PRDM10: variants seen among roughly 807,000 people sequenced by gnomAD.
PRDM10 encodes PR/SET domain 10.
Under a neutral mutation model 133.1 loss-of-function variants are expected in PRDM10, and 65 were observed. That is an observed-to-expected ratio of 0.49 (90% CI 0.40 to 0.60). The LOEUF is 0.60. Ranked by LOEUF, PRDM10 falls within the 20% of genes least tolerant of loss-of-function variation. The pLI, the probability that PRDM10 is intolerant of heterozygous loss-of-function variation, is 0.00. For synonymous variants in PRDM10, 582 were observed against 580.4 expected (o/e 1.00, Z -0.04); for missense variants, 1,137 against 1,507.1 (o/e 0.75, Z 4.07).
chr11:129,918,656 T>C lies in PRDM10; in HGVS notation c.2097A>G (p.Lys699=). ...TCTTGGAGCGGCTGATGCGGTCGGC[T>C]TTCTTGGCCTCCCTCTCAGGATTAT... ...RMHNPEREAK[K]ADRISRSKTF... The change falls in exon 14 of 21, where the codon AAA becomes AAG. Residue 699 remains lysine, a synonymous_variant. Coordinates refer to ENST00000360871, the MANE Select transcript of PRDM10 (RefSeq NM_199437.2). The surrounding 1 kb of genome is among the most constrained non-coding windows in gnomAD (Gnocchi z 5.3). 2 of 1,614,184 alleles carry C rather than the reference T, an allele frequency of 1.2e-6. No homozygotes were observed. Among genetic ancestry groups the C allele is most frequent in the Non-Finnish European group, 1.7e-6 (2 of 1,180,010 alleles).
chr11:129,934,046 G>T (rs538429584), intron 9 of PRDM10, among the ~76,000 whole-genome samples: 81 of 152,150 alleles, frequency 5.3e-4, no homozygotes, highest in Non-Finnish European at 9.9e-4. Context: ...CACAGCATAC[G>T]CTCCAAGGTC....
At chr11:129,984,879 C>T (rs1207037286) in intron 1 of PRDM10, among the ~76,000 whole-genome samples, 1 of 152,222 alleles carries the variant, frequency 6.6e-6, no homozygotes, top group Non-Finnish European at 1.5e-5. Flanking sequence ...CCACTGTCCA[C>T]CACCTACCTC....
At chr11:129,915,128 A>AG in intron 16 of PRDM10, 110 bp from the exon 17 acceptor site, 1 of 1,128,134 alleles carries the variant, frequency 8.9e-7, no homozygotes, top group East Asian at 2.5e-5. Flanking sequence ...TCTTAAAAAA[A>AG]GAAAAATCAG....
intron 4 of PRDM10, among the ~76,000 whole-genome samples, chr11:129,950,988 C>T (rs1212825873): frequency 6.6e-6 from 1 of 152,190 alleles, no homozygotes; most frequent in Non-Finnish European, 1.5e-5. Context: ...TGCTTAAACA[C>T]TCCAGCAGCA....
At chr11:129,942,653 AAAAAC>A (rs750952245) in intron 6 of PRDM10, 24 bp from the exon 7 acceptor site, 3 of 1,577,264 alleles carry the variant, frequency 1.9e-6, no homozygotes, top group East Asian at 2.2e-5. Flanking sequence ...AAGCCACACC[AAAAAC>A]AAAACAAAAC....
intron 1 of PRDM10, among the ~76,000 whole-genome samples, chr11:129,961,367 C>T (rs1951791889): frequency 6.6e-6 from 1 of 151,994 alleles, no homozygotes. Context: ...TGCAGTGGCA[C>T]AATCTAGGCT....
At chr11:129,972,292 G>A (rs1800821233) in intron 1 of PRDM10, among the ~76,000 whole-genome samples, 1 of 152,268 alleles carries the variant, frequency 6.6e-6, no homozygotes, top group Non-Finnish European at 1.5e-5. Context: ...GGGCTGAAGG[G>A]CTCCTCAAGT....
At chr11:129,912,731 G>T (rs143083250) in intron 17 of PRDM10, among the ~76,000 whole-genome samples, 1 of 144,050 alleles carries the variant, frequency 6.9e-6, no homozygotes, top group East Asian at 2.1e-4. Context: ...CAGCCTGGGC[G>T]ACAGAGCGAG....
intron 19 of PRDM10, among the ~76,000 whole-genome samples, chr11:129,908,049 A>G (rs1191533383): frequency 6.6e-6 from 1 of 152,194 alleles, no homozygotes; most frequent in African/African-American, 2.4e-5. Flanking sequence ...GCAGTGAGCT[A>G]TGATCACACC....
At chr11:129,926,082 G>A (rs1439216440) in intron 11 of PRDM10, among the ~76,000 whole-genome samples, 1 of 152,184 alleles carries the variant, frequency 6.6e-6, no homozygotes, top group Non-Finnish European at 1.5e-5. Context: ...TGCTAACAAC[G>A]TTAAGCTCAT....
chr11:129,969,866 G>A (rs1353570208), intron 1 of PRDM10, among the ~76,000 whole-genome samples: 2 of 152,142 alleles, frequency 1.3e-5, no homozygotes, highest in Non-Finnish European at 2.9e-5. Flanking sequence ...ACACCTGTAT[G>A]TCAAGAAACA....
At chr11:129,957,021 G>A (rs35689183) in intron 3 of PRDM10, among the ~76,000 whole-genome samples, 22,087 of 152,166 alleles carry the variant, frequency 0.15, 2,724 homozygotes, top group East Asian at 0.51. Context: ...ATAATTGTAC[G>A]CCTTTTGGCA....
Position 129,977,277 on chromosome 11 carries a change from C to CACACACAG in PRDM10, c.-118-16196_-118-16195insCTGTGTGT, listed in dbSNP as rs1555113150. Among the ~76,000 whole-genome samples, 69 of 151,298 alleles carry CACACACAG rather than the reference C, an allele frequency of 4.6e-4. 1 individual carries two copies. The South Asian group carries it at 5.0e-3, about 11-fold the overall frequency. ...AAATACACACACACACACACACACA[C>CACACACAG]ACACACACACACACACACACACATT... On this transcript the variant is annotated intron_variant, in intron 1 of 20. Coordinates refer to ENST00000360871, the MANE Select transcript of PRDM10 (RefSeq NM_199437.2).
intron 18 of PRDM10, 91 bp from the exon 19 acceptor site, chr11:129,910,747 T>G: frequency 1.7e-6 from 2 of 1,152,358 alleles, no homozygotes; most frequent in Non-Finnish European, 2.4e-6. Flanking sequence ...ACCAGACTCA[T>G]ATGAATTATA....
intron 7 of PRDM10, among the ~76,000 whole-genome samples, chr11:129,938,000 A>G (rs753855767): frequency 6.6e-6 from 1 of 152,234 alleles, no homozygotes; most frequent in Non-Finnish European, 1.5e-5. Context: ...ACTGGTTTTT[A>G]CAGGGTTGTA....
In PRDM10 at chr11:129,918,844, C is replaced by T; in HGVS notation, c.2035-126G>A. 1 of 951,450 alleles carries T rather than the reference C, an allele frequency of 1.1e-6. No homozygotes were observed. Among genetic ancestry groups the T allele is most frequent in the South Asian group, 1.6e-5 (1 of 61,192 alleles). 58.9% of individuals were successfully genotyped at this position (951,450 alleles called of 1,614,324 possible). On this transcript the variant is annotated intron_variant, in intron 13 of 20. Coordinates refer to ENST00000360871, the MANE Select transcript of PRDM10 (RefSeq NM_199437.2). The surrounding 1 kb of genome is among the most constrained non-coding windows in gnomAD (Gnocchi z 5.3). ...AAGCCTCCAAGAGACATTTGAGTTG[C>T]TGGAACACTAGGACGCAGACATGTT...
rs753768825 is a variant in PRDM10 at position 129,915,766 on chromosome 11, C to A, written c.2420G>T (p.Gly807Val). Reference protein sequence around the residue: ...PPSIRKLRPAGPGEPDPMLST... With the variant: ...PPSIRKLRPAVPGEPDPMLST... ...CAGCATGGGGTCTGGCTCTCCAGGA[C>A]CAGCGGGTCGGAGCTTCCGAATGCT... The change falls in exon 16 of 21, where the codon GGT (glycine) becomes GTT (valine). Residue 807 changes from glycine (G) to valine (V), a missense_variant. Around this residue, in one of 6 missense-constraint regions of PRDM10, gnomAD observed 65 missense variants for 151.1 expected, o/e 0.43. Coordinates refer to ENST00000360871, the MANE Select transcript of PRDM10 (RefSeq NM_199437.2). The A allele has an allele frequency of 6.2e-7, 1 of 1,614,178 alleles. No individual in the cohort carries two copies. Among genetic ancestry groups the A allele is most frequent in the East Asian group, 2.2e-5 (1 of 44,884 alleles).
chr11:129,955,468 C>A, intron 4 of PRDM10, 44 bp downstream of exon 4: 1 of 1,587,770 alleles, frequency 6.3e-7, no homozygotes, highest in African/African-American at 1.3e-5. Context: ...GGCGCAGTGG[C>A]ATTCACAGTG....
intron 4 of PRDM10, among the ~76,000 whole-genome samples, chr11:129,949,303 A>G (rs1951516517): frequency 6.6e-6 from 1 of 152,232 alleles, no homozygotes; most frequent in Non-Finnish European, 1.5e-5. Flanking sequence ...AAATGGACAC[A>G]GTAATACATG....
Sources: allele counts gnomAD v4.1 joint callset (sites outside exome capture counted in the v4.1 genomes callset), GRCh38; gene constraint gnomAD v4.1.1; regional missense constraint gnomAD v4.1.1; non-coding constraint Gnocchi (gnomAD v3.1); transcripts MANE v1.5; gene names NCBI Gene and HGNC (gene_info 2026-07-23, HGNC 2026-07-21).